Variants in SPTBN1 observed in about 807,000 individuals in gnomAD.
SPTBN1 encodes spectrin beta, non-erythrocytic 1, also known as spectrin beta chain, non-erythrocytic 1.
SPTBN1 carries 32 observed loss-of-function variants against 266.4 expected under a neutral mutation model. The ratio of observed to expected loss-of-function variants is 0.12; its 90% confidence interval spans 0.09 to 0.16. The LOEUF (loss-of-function observed/expected upper bound fraction) is 0.16. Among genes scored for constraint, SPTBN1 ranks in the 10% least tolerant of loss-of-function variants. The probability of loss-of-function intolerance (pLI) is 1.00; values close to 1 mark genes in which losing one functional copy is unlikely to be tolerated. For synonymous variants in SPTBN1, 1,336 were observed against 1,162.2 expected, an observed-to-expected ratio of 1.15 and a Z score of -3.04; for missense variants, 2,296 against 3,067.1, an observed-to-expected ratio of 0.75 and a Z score of 5.94.
intron 27 of SPTBN1, 26 bp from the exon 28 acceptor site, chr2:54,655,044 C>CG (rs975542963): frequency 6.2e-7 from 1 of 1,601,736 alleles, no homozygotes; most frequent in Admixed American, 1.7e-5. Flanking sequence ...GATCTCCTAA[C>CG]GGAGGCATCG....
chr2:54,566,551 C>G (rs184626442), intron 2 of SPTBN1, among the ~76,000 whole-genome samples: 1 of 152,134 alleles, frequency 6.6e-6, no homozygotes, highest in Non-Finnish European at 1.5e-5. Flanking sequence ...GTTTGACAGG[C>G]CAAGCTCAGT....
chr2:54,622,794 G>A (rs936847393), intron 9 of SPTBN1, among the ~76,000 whole-genome samples: 3 of 151,862 alleles, frequency 2.0e-5, no homozygotes, highest in South Asian at 4.2e-4. Context: ...CATAATTTTT[G>A]GATTTTAAAA....
intron 3 of SPTBN1, 110 bp from the exon 4 acceptor site, chr2:54,612,051 T>C: frequency 9.3e-7 from 1 of 1,080,536 alleles, no homozygotes; most frequent in Non-Finnish European, 1.3e-6. Context: ...AATGTTCTGC[T>C]CTGAGCGGGA....
intron 2 of SPTBN1, among the ~76,000 whole-genome samples, chr2:54,575,923 G>A (rs989077986): frequency 1.3e-5 from 2 of 152,162 alleles, no homozygotes; most frequent in African/African-American, 4.8e-5. Context: ...TGTAGTACGA[G>A]AAACATGGTT....
intron 27 of SPTBN1, among the ~76,000 whole-genome samples, 184 bp downstream of exon 27, chr2:54,654,037 C>T (rs1572762200): frequency 6.6e-6 from 1 of 152,112 alleles, no homozygotes; most frequent in African/African-American, 2.4e-5. Context: ...TCGTGCACAC[C>T]ATCACCAGGG....
At chr2:54,488,911 T>C (rs1668546212) in intron 1 of SPTBN1, among the ~76,000 whole-genome samples, 1 of 152,130 alleles carries the variant, frequency 6.6e-6, no homozygotes, top group African/African-American at 2.4e-5. Context: ...AGAGTACAGT[T>C]ATTATCAGAG....
rs146620348 is a variant in SPTBN1 at position 54,526,095 on chromosome 2, T to G, written c.-47-277T>G. On this transcript the variant is annotated intron_variant, in intron 1 of 35. Coordinates refer to ENST00000356805, the MANE Select transcript of SPTBN1 (RefSeq NM_003128.3). ...GAAAGAAGGAATAAACCCACCATTT[T>G]GGGGGTATCCATCATCTCATTCAGT... is the stretch of plus-strand genomic sequence containing the variant. Among the ~76,000 whole-genome samples, 774 of 152,322 alleles carry G rather than the reference T, an allele frequency of 5.1e-3. 4 individuals are homozygous for G. Among genetic ancestry groups the G allele is most frequent in the African/African-American group, 0.018 (740 of 41,578 alleles).
At chr2:54,578,638 C>T (rs2104558981) in intron 2 of SPTBN1, among the ~76,000 whole-genome samples, 1 of 152,188 alleles carries the variant, frequency 6.6e-6, no homozygotes, top group South Asian at 2.1e-4. Context: ...TGTTCCCATT[C>T]ATTATGATCT....
intron 17 of SPTBN1, among the ~76,000 whole-genome samples, chr2:54,637,331 T>G (rs1218991609): frequency 6.6e-6 from 1 of 152,226 alleles, no homozygotes; most frequent in Non-Finnish European, 1.5e-5. Flanking sequence ...TTCTTAGCCT[T>G]GTATGTGTCA....
intron 2 of SPTBN1, among the ~76,000 whole-genome samples, chr2:54,579,995 C>G (rs1449807441): frequency 2.6e-5 from 4 of 152,186 alleles, no homozygotes; most frequent in African/African-American, 9.7e-5. Flanking sequence ...CTAGGACAGA[C>G]CTGTATGACC....
chr2:54,593,183 C>G (rs1675803067), intron 2 of SPTBN1, among the ~76,000 whole-genome samples: 1 of 152,114 alleles, frequency 6.6e-6, no homozygotes, highest in South Asian at 2.1e-4. Flanking sequence ...ATTTACTTAT[C>G]TCTGAGCCTG....
At chr2:54,586,880 G>A (rs1251143365) in intron 2 of SPTBN1, among the ~76,000 whole-genome samples, 1 of 152,180 alleles carries the variant, frequency 6.6e-6, no homozygotes, top group Non-Finnish European at 1.5e-5. Context: ...TTGAGGTAGA[G>A]CAGAATCCTC....
Position 54,649,284 on chromosome 2 carries a change from C to T in SPTBN1, c.5202+94C>T. ...CTTGTCTGTGAGCAGATAAAATGCC[C>T]TGGACTCCAATCAGAGGTCTTGGGG... is the stretch of plus-strand genomic sequence containing the variant. On this transcript the variant is annotated intron_variant, in intron 25 of 35. Coordinates refer to ENST00000356805, the MANE Select transcript of SPTBN1 (RefSeq NM_003128.3). This position sits in a 1 kb window ranked among gnomAD's most constrained non-coding sequence, Gnocchi z 6.7. The T allele has an allele frequency of 7.4e-7, 1 of 1,345,124 alleles. No homozygotes were observed. Among genetic ancestry groups the T allele is most frequent in the East Asian group, 2.4e-5 (1 of 41,898 alleles). 83.3% of individuals were successfully genotyped at this position (1,345,124 alleles called of 1,614,324 possible). A position where few individuals can be genotyped will look rare whatever the true frequency, so the allele number is the denominator to read the frequency against.
chr2:54,576,906 G>T (rs1378571980), intron 2 of SPTBN1, among the ~76,000 whole-genome samples: 2 of 152,146 alleles, frequency 1.3e-5, no homozygotes, highest in Non-Finnish European at 2.9e-5. Flanking sequence ...GCATTTTGGA[G>T]GAATTGACAT....
At chr2:54,624,703 G>A in intron 10 of SPTBN1, 101 bp from the exon 11 acceptor site, 4 of 1,515,308 alleles carry the variant, frequency 2.6e-6, no homozygotes, top group South Asian at 2.5e-5. Flanking sequence ...CAAGCTGTCA[G>A]GTCCTTTTGA....
rs554982796 is a variant in SPTBN1, at chr2:54,647,691, A to C, written c.4997+430A>C. Among the ~76,000 whole-genome samples, 3 of 152,230 alleles carry C rather than the reference A, an allele frequency of 2.0e-5. No individual in the cohort carries two copies. In the South Asian group the frequency reaches 6.2e-4, roughly 32 times the overall value. Reference sequence around the variant, plus strand: ...CTCATCTCTACAAAAAATACAAAAAATCAGCTGGGTGTGGTGGCACACGTC... The same window carrying C: ...CTCATCTCTACAAAAAATACAAAAACTCAGCTGGGTGTGGTGGCACACGTC... On this transcript the variant is annotated intron_variant, in intron 24 of 35. Coordinates refer to ENST00000356805, the MANE Select transcript of SPTBN1 (RefSeq NM_003128.3).
At chr2:54,526,730 TC>T in intron 2 of SPTBN1, 164 bp downstream of exon 2, 1 of 823,988 alleles carries the variant, frequency 1.2e-6, no homozygotes, top group Non-Finnish European at 1.7e-6. Context: ...GGTAGTCAGT[TC>T]CATATTTGGA....
intron 30 of SPTBN1, among the ~76,000 whole-genome samples, chr2:54,658,500 G>C (rs1255650665): frequency 6.6e-6 from 1 of 152,152 alleles, no homozygotes; most frequent in East Asian, 1.9e-4. Flanking sequence ...CCTTAGAATA[G>C]GATTTGTGCA....
Position 54,668,890 on chromosome 2 carries a change from T to TA in SPTBN1, c.*322dup. Reference sequence around the variant, plus strand: ...AATAACCCGCCTCTAGTGCTGTTGGTATGCAAGGCAGCGGTGCTTAATCAA... The same window carrying TA: ...AATAACCCGCCTCTAGTGCTGTTGGTAATGCAAGGCAGCGGTGCTTAATCAA... On this transcript the variant is annotated 3_prime_UTR_variant, in exon 36 of 36. Coordinates refer to ENST00000356805, the MANE Select transcript of SPTBN1 (RefSeq NM_003128.3). The TA allele has an allele frequency of 1.0e-5, 3 of 299,230 alleles. No individual in the cohort carries two copies. The South Asian group carries it at 1.0e-4, about 10-fold the overall frequency. The allele number at this position is 299,230 out of a possible 1,614,324, so 18.5% of individuals were successfully genotyped here. A position where few individuals can be genotyped will look rare whatever the true frequency, so the allele number is the denominator to read the frequency against.
Sources: gnomAD v4.1 joint callset for allele counts (sites outside exome capture counted in the v4.1 genomes callset) on GRCh38, gnomAD v4.1.1 for gene constraint, Gnocchi (gnomAD v3.1) non-coding constraint, MANE v1.5 for transcripts, NCBI Gene and HGNC (gene_info 2026-07-23, HGNC 2026-07-21) for gene names.